Variants in OLFM1 observed in about 807,000 individuals in gnomAD.
OLFM1 encodes the protein noelin.
OLFM1 carries 9 observed loss-of-function variants against 49.7 expected under a neutral mutation model. The observed-to-expected ratio is 0.18, with a 90% confidence interval of 0.11 to 0.32. The LOEUF (loss-of-function observed/expected upper bound fraction) is 0.32. OLFM1 is among the 10% of genes least tolerant of loss of function. The pLI is 1.00. For synonymous variants in OLFM1, 240 were observed against 271.8 expected, an observed-to-expected ratio of 0.88 and a Z score of 1.15; for missense variants, 369 against 661.8, an observed-to-expected ratio of 0.56 and a Z score of 4.85.
Position 135,087,995 on chromosome 9 carries a change from G to T in OLFM1, c.6G>T (p.Ser2=), listed in dbSNP as rs183749479. The change falls in exon 1 of 6, where the codon TCG becomes TCT. Residue 2 remains serine (S), a synonymous_variant. Transcript: ENST00000371793. ...TGGAGGCAGCTCGAGGCGCGATGTC[G>T]GTGCCGCTGCTCAAGATCGGGGTCG... M[S]VPLLKIGVVL... 0.013 allele frequency: 19,132 copies of T among 1,447,516 alleles called. 178 individuals carry two copies. The highest frequency in any genetic ancestry group is 0.016 in the Non-Finnish European group (17,702 of 1,090,736). The allele number at this position is 1,447,516 out of a possible 1,614,324, so 89.7% of individuals were successfully genotyped here.
intron 4 of OLFM1, among the ~76,000 whole-genome samples, chr9:135,100,871 A>G (rs567182087): frequency 6.6e-6 from 1 of 152,242 alleles, no homozygotes; most frequent in South Asian, 2.1e-4. Context: ...ATGGATAGAG[A>G]GGTGATGACA....
In OLFM1 at chr9:135,120,376, C is replaced by T; in HGVS notation, c.*198C>T. The T allele has an allele frequency of 1.6e-6, 1 of 607,774 alleles. No homozygotes were observed. 37.6% of individuals were successfully genotyped at this position (607,774 alleles called of 1,614,324 possible). A position where few individuals can be genotyped will look rare whatever the true frequency, so the allele number is the denominator to read the frequency against. ...GGCGGGCCACAGACGTCGGAAGAAA[C>T]TCCCGTATTTGCAGCTGGAACTGCA... On this transcript the variant is annotated 3_prime_UTR_variant, in exon 6 of 6. Transcript: ENST00000371793.
chr9:135,111,854 C>A (rs372217252), intron 5 of OLFM1, among the ~76,000 whole-genome samples: 1 of 151,748 alleles, frequency 6.6e-6, no homozygotes, highest in Non-Finnish European at 1.5e-5. Context: ...GGATTACAGG[C>A]GCATGCCATC....
chr9:135,108,690 G>A lies in OLFM1; in HGVS notation c.783+1835G>A, dbSNP rs897089178. ...GTCCTGTGTGCAGGTGCTGTCCAAA[G>A]CACTTTCTTTTCATGCATTAACTCC... is the stretch of plus-strand genomic sequence containing the variant. On this transcript the variant is annotated intron_variant, in intron 5 of 5. Coordinates refer to ENST00000371793, the MANE Select transcript of OLFM1 (RefSeq NM_001282611.2). 2.1e-4 allele frequency among the ~76,000 whole-genome samples: 32 copies of A among 151,936 alleles called. 1 individual carries two copies. The highest frequency in any genetic ancestry group is 1.5e-3 in the Admixed American group (23 of 15,276).
intron 5 of OLFM1, among the ~76,000 whole-genome samples, chr9:135,108,807 T>C (rs967611967): frequency 2.0e-5 from 3 of 152,160 alleles, no homozygotes; most frequent in African/African-American, 7.2e-5. Flanking sequence ...GTCGGGGTCA[T>C]TGGCATCTCA....
intron 1 of OLFM1, among the ~76,000 whole-genome samples, chr9:135,089,715 C>G (rs1021614226): frequency 5.3e-5 from 8 of 152,174 alleles, no homozygotes; most frequent in African/African-American, 1.7e-4. Context: ...GCTTCGTCTG[C>G]AAGTGTCAGG....
Position 135,098,533 on chromosome 9 carries a change from C to T in OLFM1, c.676+28C>T, listed in dbSNP as rs1376333868. On this transcript the variant is annotated intron_variant, in intron 4 of 5. Transcript: ENST00000371793. The surrounding 1 kb of genome is among the most constrained non-coding windows in gnomAD (Gnocchi z 5.6). ...AGGCCCAGTACCCTGCGGGACGTGG[C>T]GCTGCACTGCCCACCTCCGGCACAC... is the stretch of plus-strand genomic sequence containing the variant. 2.5e-6 allele frequency: 4 copies of T among 1,577,640 alleles called. No homozygotes were observed. The highest frequency in any genetic ancestry group is 1.3e-5 in the African/African-American group (1 of 74,162).
chr9:135,079,823 G>A (rs1022730324), intron 1 of OLFM1, among the ~76,000 whole-genome samples: 1 of 151,670 alleles, frequency 6.6e-6, no homozygotes, highest in Admixed American at 6.5e-5. Flanking sequence ...TGCCCCTGGT[G>A]GGGTTCAAGC....
At chr9:135,102,612 CCCAGG>C (rs1307939039) in intron 4 of OLFM1, among the ~76,000 whole-genome samples, 1 of 152,226 alleles carries the variant, frequency 6.6e-6, no homozygotes, top group Non-Finnish European at 1.5e-5. Context: ...GCCGCCCCAG[CCCAGG>C]CCCTGGGTCT....
chr9:135,096,090 T>A lies in OLFM1; in HGVS notation c.456+71T>A. The A allele has an allele frequency of 2.4e-6, 3 of 1,265,690 alleles. No individual in the cohort carries two copies. In the South Asian group the frequency reaches 4.1e-5, roughly 17 times the overall value. 78.4% of individuals were successfully genotyped at this position (1,265,690 alleles called of 1,614,324 possible). On this transcript the variant is annotated intron_variant, in intron 3 of 5. Coordinates refer to ENST00000371793, the MANE Select transcript of OLFM1 (RefSeq NM_001282611.2). The stretch of plus-strand genomic sequence containing the variant: ...TCCTCTTCCTCCTCCTTCCCCTCCC[T>A]CCTCTCCTCCTTCTCTTCTTCCTCC...
At position 135,081,773 on chromosome 9, in the gene OLFM1, C is replaced by T. The variant is rs1394334679; in HGVS notation, c.96+5971C>T. ...GGTGGATCACTTGAGGTCAGGAGTT[C>T]GAGGCCAAGAAGTAAGAAATAGGAT... On this transcript the variant is annotated intron_variant, in intron 1 of 5. Transcript: ENST00000252854. Among the ~76,000 whole-genome samples the T allele has an allele frequency of 4.6e-5, 7 of 152,222 alleles. No individual in the cohort carries two copies. The South Asian group carries it at 8.3e-4, about 18-fold the overall frequency.
At position 135,080,837 on chromosome 9, in the gene OLFM1, G is replaced by A. The variant is rs902088212; in HGVS notation, c.96+5035G>A. Among the ~76,000 whole-genome samples the A allele has an allele frequency of 2.0e-5, 3 of 152,142 alleles. No homozygotes were observed. The highest frequency in any genetic ancestry group is 2.9e-5 in the Non-Finnish European group (2 of 68,032). On this transcript the variant is annotated intron_variant, in intron 1 of 5. Transcript: ENST00000252854. This position sits in a 1 kb window ranked among gnomAD's most constrained non-coding sequence, Gnocchi z 4.5. The stretch of plus-strand genomic sequence containing the variant: ...AAGATTCGTCCTGGACACCCTGCAC[G>A]CTCGGAAACCTCAGCGCTGTCCCGA...
Position 135,117,054 on chromosome 9 carries a change from C to G in OLFM1, c.784-2450C>G, listed in dbSNP as rs918576262. ...GCTCCAGAGCCCTCGACGGATAAAGCAGCTGTCTCATTGCCAGACAGATGC... is the reference window on the plus strand; with the variant it reads ...GCTCCAGAGCCCTCGACGGATAAAGGAGCTGTCTCATTGCCAGACAGATGC... On this transcript the variant is annotated intron_variant, in intron 5 of 5. Coordinates refer to ENST00000371793, the MANE Select transcript of OLFM1 (RefSeq NM_001282611.2). The surrounding 1 kb of genome is among the most constrained non-coding windows in gnomAD (Gnocchi z 5.5). 3.9e-5 allele frequency among the ~76,000 whole-genome samples: 6 copies of G among 152,186 alleles called. No homozygotes were observed. The highest frequency in any genetic ancestry group is 1.2e-4 in the African/African-American group (5 of 41,430).
At chr9:135,092,566 C>T (rs534845765) in intron 2 of OLFM1, among the ~76,000 whole-genome samples, 2 of 152,194 alleles carry the variant, frequency 1.3e-5, no homozygotes, top group Non-Finnish European at 2.9e-5. Flanking sequence ...ATGGGGGAGG[C>T]GGCACTTGGA....
chr9:135,092,562 G>C (rs996140125), intron 2 of OLFM1, among the ~76,000 whole-genome samples: 2 of 152,182 alleles, frequency 1.3e-5, no homozygotes, highest in Non-Finnish European at 2.9e-5. Flanking sequence ...TTAGATGGGG[G>C]AGGCGGCACT....
chr9:135,106,876 T>G (rs1364221901), intron 5 of OLFM1, 21 bp downstream of exon 5: 2 of 1,575,356 alleles, frequency 1.3e-6, no homozygotes, highest in Non-Finnish European at 1.7e-6. Flanking sequence ...CCTTATGTCA[T>G]AGGGGGTCAT....
chr9:135,086,589 A>C (rs1284724995), upstream of OLFM1: 14 of 455,924 alleles, frequency 3.1e-5, no homozygotes, highest in African/African-American at 2.8e-4. Flanking sequence ...TCCTTCCCAA[A>C]TGGCTGGGAA....
intron 2 of OLFM1, among the ~76,000 whole-genome samples, chr9:135,092,666 G>A (rs1830732497): frequency 6.6e-6 from 1 of 152,188 alleles, no homozygotes; most frequent in African/African-American, 2.4e-5. Context: ...GGAGAGCAGA[G>A]AGTTGGGAAA....
Position 135,120,481 on chromosome 9 carries a change from T to C in OLFM1, c.*303T>C. On this transcript the variant is annotated 3_prime_UTR_variant, in exon 6 of 6. Coordinates refer to ENST00000371793, the MANE Select transcript of OLFM1 (RefSeq NM_001282611.2). The stretch of plus-strand genomic sequence containing the variant: ...TACTAAAGAGGCGAGGCAATGACTG[T>C]TGGCCAGTTCTCACCGGGGAAAAAC... 2.5e-6 allele frequency: 1 copy of C among 403,498 alleles called. No individual in the cohort carries two copies. The highest frequency in any genetic ancestry group is 3.3e-5 in the South Asian group (1 of 29,994). 25.0% of individuals were successfully genotyped at this position (403,498 alleles called of 1,614,324 possible).
Sources: allele counts gnomAD v4.1 joint callset (sites outside exome capture counted in the v4.1 genomes callset), GRCh38; gene constraint gnomAD v4.1.1; non-coding constraint Gnocchi (gnomAD v3.1); transcripts MANE v1.5; gene names NCBI Gene and HGNC (gene_info 2026-07-23, HGNC 2026-07-21).